Variants in TBC1D8 observed in about 807,000 individuals in gnomAD.
The protein encoded by TBC1D8 is BUB2-like protein 1.
Under a neutral mutation model 118.8 loss-of-function variants are expected in TBC1D8, and 65 were observed. The ratio of observed to expected loss-of-function variants is 0.55; its 90% CI spans 0.45 to 0.67. TBC1D8 has a LOEUF of 0.67. Ranked by LOEUF, TBC1D8 falls within the 30% of genes least tolerant of loss-of-function variation. TBC1D8 has a pLI of 0.00. For synonymous variants in TBC1D8, 566 were observed against 595.8 expected, an observed-to-expected ratio of 0.95 and a Z score of 0.73; for missense variants, 1,376 against 1,471.2, an observed-to-expected ratio of 0.94 and a Z score of 1.06.
chr2:101,095,206 C>T (rs955365933), intron 1 of TBC1D8, among the ~76,000 whole-genome samples: 3 of 151,890 alleles, frequency 2.0e-5, no homozygotes, highest in Admixed American at 2.0e-4. Context: ...ATCCTCAGGC[C>T]GTTCTCCATT....
chr2:101,027,349 G>A, intron 15 of TBC1D8, 34 bp downstream of exon 15: 1 of 1,603,746 alleles, frequency 6.2e-7, no homozygotes, highest in Non-Finnish European at 8.5e-7. Context: ...CCAGCTCAGG[G>A]CCTGGAACCC....
intron 2 of TBC1D8, among the ~76,000 whole-genome samples, chr2:101,065,446 A>C (rs1022529571): frequency 6.6e-6 from 1 of 152,250 alleles, no homozygotes; most frequent in Non-Finnish European, 1.5e-5. Flanking sequence ...TCAGGATCAA[A>C]GAATTCAAGC....
intron 1 of TBC1D8, among the ~76,000 whole-genome samples, chr2:101,115,424 A>G (rs527668115): frequency 6.6e-6 from 1 of 152,226 alleles, no homozygotes; most frequent in Non-Finnish European, 1.5e-5. Flanking sequence ...TGATTGTTCA[A>G]TGCCTTCCAT....
At chr2:101,088,194 G>A (rs1675761550) in intron 2 of TBC1D8, among the ~76,000 whole-genome samples, 1 of 152,190 alleles carries the variant, frequency 6.6e-6, no homozygotes, top group African/African-American at 2.4e-5. Context: ...CTCACCTCAT[G>A]AAACTAGAGG....
intron 5 of TBC1D8, among the ~76,000 whole-genome samples, chr2:101,047,812 G>A (rs1350624313): frequency 1.3e-5 from 2 of 152,174 alleles, no homozygotes; most frequent in African/African-American, 2.4e-5. Context: ...GGAATGTCTT[G>A]TAGAATCTCC....
intron 4 of TBC1D8, among the ~76,000 whole-genome samples, chr2:101,052,035 T>A (rs1682107417): frequency 2.6e-5 from 4 of 152,250 alleles, no homozygotes; most frequent in African/African-American, 9.6e-5. Flanking sequence ...TAACAACATA[T>A]ACCTTTCTCA....
In TBC1D8 at chr2:101,119,404, C is replaced by A. The variant is rs547535192; in HGVS notation, c.128-29040G>T. Among the ~76,000 whole-genome samples the A allele has an allele frequency of 2.6e-5, 4 of 152,280 alleles. No homozygotes were observed. In the South Asian group the frequency reaches 8.3e-4, roughly 32 times the overall value. ...GACTCAGGAGCCTGTGCCTCCTCTT[C>A]CACCCTAAGTGTCCCATCTCTACTC... On this transcript the variant is annotated intron_variant, in intron 1 of 19. Coordinates refer to ENST00000409318, the MANE Select transcript of TBC1D8 (RefSeq NM_001330348.2).
intron 15 of TBC1D8, among the ~76,000 whole-genome samples, chr2:101,025,497 C>T (rs971007220): frequency 2.0e-5 from 3 of 152,158 alleles, no homozygotes; most frequent in African/African-American, 7.2e-5. Context: ...GGATTACAGG[C>T]GTGAGCCACT....
intron 5 of TBC1D8, among the ~76,000 whole-genome samples, chr2:101,046,753 G>A (rs1214787316): frequency 1.3e-5 from 2 of 152,076 alleles, no homozygotes; most frequent in Non-Finnish European, 2.9e-5. Flanking sequence ...TTCAGAATCC[G>A]CCAGGCCATG....
intron 17 of TBC1D8, among the ~76,000 whole-genome samples, chr2:101,012,951 C>G (rs17719821): frequency 0.25 from 38,144 of 152,136 alleles, 5,437 homozygotes; most frequent in South Asian, 0.38. Flanking sequence ...AGGAAAATTG[C>G]AAACCGTGAA....
At chr2:101,100,492 C>T (rs1300401145) in intron 1 of TBC1D8, among the ~76,000 whole-genome samples, 1 of 152,144 alleles carries the variant, frequency 6.6e-6, no homozygotes, top group Non-Finnish European at 1.5e-5. Context: ...TGACATTCTT[C>T]ACAGAATTAG....
At chr2:101,045,339 T>G (rs781449041) in intron 5 of TBC1D8, among the ~76,000 whole-genome samples, 18 of 152,204 alleles carry the variant, frequency 1.2e-4, no homozygotes, top group Non-Finnish European at 1.6e-4. Context: ...AGGTTTCCCT[T>G]TCTCTCTCTG....
intron 1 of TBC1D8, 124 bp from the exon 2 acceptor site, chr2:101,090,488 G>T: frequency 3.0e-6 from 3 of 1,011,308 alleles, no homozygotes; most frequent in Non-Finnish European, 4.3e-6. Context: ...TTTACATCCA[G>T]TTCTTCAACT....
intron 3 of TBC1D8, among the ~76,000 whole-genome samples, chr2:101,055,647 C>CT (rs56887879): frequency 6.6e-6 from 1 of 152,222 alleles, no homozygotes; most frequent in East Asian, 1.9e-4. Context: ...GTAGAAGGGC[C>CT]TAGAATTCAA....
At chr2:101,057,336 A>T (rs1449122025) in intron 3 of TBC1D8, among the ~76,000 whole-genome samples, 1 of 152,196 alleles carries the variant, frequency 6.6e-6, no homozygotes, top group African/African-American at 2.4e-5. Context: ...CCTCACTAAA[A>T]TAATCCTTAG....
intron 1 of TBC1D8, among the ~76,000 whole-genome samples, chr2:101,111,509 G>A (rs1267503412): frequency 6.6e-6 from 1 of 152,232 alleles, no homozygotes; most frequent in African/African-American, 2.4e-5. Context: ...CATTGCAAGG[G>A]AGGGATGCTG....
At chr2:101,069,733 C>T (rs929218499) in intron 2 of TBC1D8, among the ~76,000 whole-genome samples, 2 of 152,090 alleles carry the variant, frequency 1.3e-5, no homozygotes, top group Non-Finnish European at 2.9e-5. Flanking sequence ...TGAATTTAAA[C>T]ACTCTGGTTT....
intron 17 of TBC1D8, among the ~76,000 whole-genome samples, chr2:101,012,638 A>C (rs908477346): frequency 1.5e-4 from 23 of 150,064 alleles, no homozygotes; most frequent in East Asian, 1.2e-3. Flanking sequence ...AAAAAAAAAA[A>C]CCCATTGAAT....
At chr2:101,143,622 C>T (rs963400465) in intron 1 of TBC1D8, among the ~76,000 whole-genome samples, 2 of 152,088 alleles carry the variant, frequency 1.3e-5, no homozygotes, top group South Asian at 2.1e-4. Context: ...TGCAGTGGTA[C>T]GATCACAGTT....
Sources: allele counts gnomAD v4.1 joint callset (sites outside exome capture counted in the v4.1 genomes callset), GRCh38; gene constraint gnomAD v4.1.1; transcripts MANE v1.5; gene names NCBI Gene and HGNC (gene_info 2026-07-23, HGNC 2026-07-21).